The following DLEU7 variants were observed in gnomAD, a reference collection of about 807,000 sequenced individuals.
DLEU7 encodes the protein leukemia-associated protein 7.
Under a neutral mutation model 16.0 loss-of-function variants are expected in DLEU7, and 17 were observed. The ratio of observed to expected loss-of-function variants is 1.06; its 90% confidence interval spans 0.73 to 1.59. DLEU7 has a LOEUF of 1.59. Among genes scored for constraint, DLEU7 ranks in the 40% most tolerant of loss-of-function variants. DLEU7 has a pLI of 0.00. For missense variants in DLEU7, 308 were observed against 314.9 expected (o/e 0.98, Z 0.17); for synonymous variants, 113 against 139.8 (o/e 0.81, Z 1.35).
intron 1 of DLEU7, among the ~76,000 whole-genome samples, chr13:50,787,349 A>T (rs1205502395): frequency 6.6e-6 from 1 of 152,204 alleles, no homozygotes; most frequent in Non-Finnish European, 1.5e-5. Flanking sequence ...AAGAGAAATG[A>T]ATAACATTGT....
At chr13:50,835,892 C>T (rs1259900163) in intron 1 of DLEU7, among the ~76,000 whole-genome samples, 1 of 152,246 alleles carries the variant, frequency 6.6e-6, no homozygotes, top group Non-Finnish European at 1.5e-5. Context: ...CTCATCATAA[C>T]TGGAGTCTTG....
downstream of DLEU7, among the ~76,000 whole-genome samples, chr13:50,820,363 C>T: frequency 6.6e-6 from 1 of 151,686 alleles, no homozygotes; most frequent in Non-Finnish European, 1.5e-5. Context: ...AACATAATAT[C>T]ATGCTGACTC....
chr13:50,734,598 C>T (rs1406344059), intron 1 of DLEU7, among the ~76,000 whole-genome samples: 2 of 151,796 alleles, frequency 1.3e-5, no homozygotes, highest in Non-Finnish European at 2.9e-5. Flanking sequence ...TTTAGAAAAA[C>T]CTATGACCTT....
chr13:50,789,350 T>C (rs1875883914), intron 1 of DLEU7, among the ~76,000 whole-genome samples: 2 of 133,668 alleles, frequency 1.5e-5, no homozygotes, highest in African/African-American at 5.6e-5. Flanking sequence ...CTCCAGATGA[T>C]GAGACCTACA....
At chr13:50,819,082 A>G (rs1249101779), downstream of DLEU7, among the ~76,000 whole-genome samples, 1 of 152,184 alleles carries the variant, frequency 6.6e-6, no homozygotes, top group Non-Finnish European at 1.5e-5. Flanking sequence ...ATAAAAACAT[A>G]AACAAATTCA....
At chr13:50,767,251 C>G (rs1276903183) in intron 1 of DLEU7, among the ~76,000 whole-genome samples, 1 of 151,916 alleles carries the variant, frequency 6.6e-6, no homozygotes, top group Non-Finnish European at 1.5e-5. Flanking sequence ...GTCAGGAGAT[C>G]GAGACCATCC....
intron 1 of DLEU7, among the ~76,000 whole-genome samples, chr13:50,743,359 G>A (rs1017160845): frequency 3.9e-5 from 6 of 152,122 alleles, no homozygotes; most frequent in Admixed American, 3.9e-4. Context: ...ATAAACAGTG[G>A]TCAATACTGT....
intron 1 of DLEU7, among the ~76,000 whole-genome samples, chr13:50,717,204 C>G (rs573919929): frequency 3.9e-5 from 6 of 152,264 alleles, no homozygotes; most frequent in East Asian, 1.9e-4. Context: ...TTGAGGCCAT[C>G]ATATGACTAT....
At chr13:50,753,249 G>C (rs1242849464) in intron 1 of DLEU7, among the ~76,000 whole-genome samples, 1 of 152,258 alleles carries the variant, frequency 6.6e-6, no homozygotes, top group East Asian at 1.9e-4. Flanking sequence ...GATTCACCCA[G>C]TGGATCCCGC....
intron 1 of DLEU7, among the ~76,000 whole-genome samples, chr13:50,815,046 GACAAAT>G (rs1876689799): frequency 6.6e-6 from 1 of 151,908 alleles, no homozygotes; most frequent in African/African-American, 2.4e-5. Context: ...TAGTTATCTA[GACAAAT>G]ATTAAAGTGT....
rs1039752142 is a variant in DLEU7 at position 50,843,477 on chromosome 13, G to A, written c.170C>T (p.Pro57Leu). ...STAPARRSGP[P>L]RARPGPGREE... ...GCGCCCGGGCCCCGGCCGGGCCCGC[G>A]GCGGGCCTGAGCGACGGGCTGGAGC... is the stretch of plus-strand genomic sequence containing the variant. Residue 57 changes from proline to leucine, a missense_variant, in exon 1 of 2, where the codon CCG (proline) becomes CTG (leucine). Coordinates refer to ENST00000504404, the MANE Select transcript of DLEU7 (RefSeq NM_001306135.2). This position sits in a 1 kb window ranked among gnomAD's most constrained non-coding sequence, Gnocchi z 5.7. 4 of 1,340,648 alleles carry A rather than the reference G, an allele frequency of 3.0e-6. No individual in the cohort carries two copies. In the African/African-American group the frequency reaches 4.6e-5, roughly 16 times the overall value. 83.0% of individuals were successfully genotyped at this position (1,340,648 alleles called of 1,614,324 possible).
At chr13:50,730,188 C>A (rs970058952) in intron 1 of DLEU7, among the ~76,000 whole-genome samples, 20 of 151,268 alleles carry the variant, frequency 1.3e-4, no homozygotes, top group African/African-American at 4.6e-4. Flanking sequence ...CTTGCTGTCT[C>A]GGGGTGGCAG....
At chr13:50,839,117 G>A (rs1342411750) in intron 1 of DLEU7, among the ~76,000 whole-genome samples, 3 of 152,294 alleles carry the variant, frequency 2.0e-5, no homozygotes, top group South Asian at 2.1e-4. Context: ...GTACAACTAC[G>A]GCCCCTAAGA....
intron 1 of DLEU7, among the ~76,000 whole-genome samples, chr13:50,799,554 C>G (rs928553692): frequency 2.0e-5 from 3 of 152,168 alleles, no homozygotes; most frequent in African/African-American, 7.2e-5. Flanking sequence ...ATTCTAAACT[C>G]TAGATCCTTT....
At chr13:50,750,241 C>G (rs1208962232) in intron 1 of DLEU7, among the ~76,000 whole-genome samples, 13 of 152,068 alleles carry the variant, frequency 8.5e-5, no homozygotes, top group Non-Finnish European at 1.8e-4. Context: ...GATCAATTGG[C>G]TATAAGTACT....
chr13:50,765,346 T>G (rs1426265172), intron 1 of DLEU7, among the ~76,000 whole-genome samples: 1 of 152,038 alleles, frequency 6.6e-6, no homozygotes, highest in Non-Finnish European at 1.5e-5. Flanking sequence ...TGGAGGACTT[T>G]AGAAAGCGAA....
At chr13:50,739,422 T>A (rs1447070687) in intron 1 of DLEU7, among the ~76,000 whole-genome samples, 1 of 152,146 alleles carries the variant, frequency 6.6e-6, no homozygotes, top group Non-Finnish European at 1.5e-5. Flanking sequence ...AATCCATGAA[T>A]GAACAAAGGG....
At chr13:50,776,836 A>G (rs1171726406) in intron 1 of DLEU7, among the ~76,000 whole-genome samples, 2 of 152,204 alleles carry the variant, frequency 1.3e-5, no homozygotes, top group Admixed American at 1.3e-4. Context: ...TCCTGTTTCT[A>G]CATTTGTTTG....
chr13:50,790,892 AGCATGTTATT>A (rs1404695367), intron 1 of DLEU7, among the ~76,000 whole-genome samples: 1 of 152,162 alleles, frequency 6.6e-6, no homozygotes, highest in Non-Finnish European at 1.5e-5. Context: ...AAAAAAGTTT[AGCATGTTATT>A]GCCCAAGCTG....
Sources: allele counts gnomAD v4.1 joint callset (sites outside exome capture counted in the v4.1 genomes callset), GRCh38; gene constraint gnomAD v4.1.1; non-coding constraint Gnocchi (gnomAD v3.1); transcripts MANE v1.5; gene names NCBI Gene and HGNC (gene_info 2026-07-23, HGNC 2026-07-21).